Variants in MAML3 observed in about 807,000 individuals in gnomAD.
MAML3 encodes mastermind-like protein 3.
A neutral mutation model predicts 101.9 loss-of-function variants in MAML3; 27 were observed. That is an observed-to-expected ratio of 0.27 (90% CI 0.20 to 0.37). MAML3 has a LOEUF of 0.37. Ranked by LOEUF, MAML3 falls within the 10% of genes least tolerant of loss-of-function variation. The pLI is 1.00. For synonymous variants in MAML3, 501 were observed against 555.9 expected, an observed-to-expected ratio of 0.90 and a Z score of 1.39; for missense variants, 1,316 against 1,444.9, an observed-to-expected ratio of 0.91 and a Z score of 1.45.
At chr4:139,724,344 G>A (rs886582192) in intron 4 of MAML3, among the ~76,000 whole-genome samples, 11 of 152,158 alleles carry the variant, frequency 7.2e-5, no homozygotes, top group African/African-American at 2.7e-4. Flanking sequence ...AGAAAGAAAA[G>A]TTTCTGATAT....
intron 1 of MAML3, among the ~76,000 whole-genome samples, chr4:140,083,267 C>G (rs2110970854): frequency 6.6e-6 from 1 of 152,300 alleles, no homozygotes; most frequent in East Asian, 1.9e-4. Context: ...AACATTTCCC[C>G]TATCTTTCCC....
chr4:139,946,451 T>A (rs539480994), intron 1 of MAML3, among the ~76,000 whole-genome samples: 1 of 152,298 alleles, frequency 6.6e-6, no homozygotes, highest in East Asian at 1.9e-4. Flanking sequence ...TGCAATAATT[T>A]TTTTTTTGTT....
chr4:139,798,032 GAGAGAAAGAA>G (rs1730541901), intron 2 of MAML3, among the ~76,000 whole-genome samples: 2 of 114,164 alleles, frequency 1.8e-5, no homozygotes, highest in East Asian at 5.1e-4. Flanking sequence ...AAAGGAGAGA[GAGAGAAAGAA>G]AGAAAGAAAG....
intron 1 of MAML3, among the ~76,000 whole-genome samples, chr4:140,092,462 C>A (rs958318916): frequency 6.6e-6 from 1 of 152,160 alleles, no homozygotes; most frequent in Non-Finnish European, 1.5e-5. Flanking sequence ...AAGCCCTCCT[C>A]CAATTAATGT....
chr4:140,151,412 G>A (rs1162685419), intron 1 of MAML3, among the ~76,000 whole-genome samples: 1 of 151,954 alleles, frequency 6.6e-6, no homozygotes, highest in East Asian at 1.9e-4. Flanking sequence ...GAGCACTGCG[G>A]CGTCGCCTCC....
chr4:139,974,765 A>G (rs1339028650), intron 1 of MAML3, among the ~76,000 whole-genome samples: 1 of 152,184 alleles, frequency 6.6e-6, no homozygotes, highest in Admixed American at 6.5e-5. Flanking sequence ...TTATTGATAA[A>G]TAATCAATAC....
chr4:139,872,691 T>A (rs745593656), intron 2 of MAML3, among the ~76,000 whole-genome samples: 1 of 152,024 alleles, frequency 6.6e-6, no homozygotes, highest in Non-Finnish European at 1.5e-5. Flanking sequence ...GGGATAGAAA[T>A]GATAAGTGTC....
intron 1 of MAML3, among the ~76,000 whole-genome samples, chr4:139,962,161 T>A (rs1734030002): frequency 6.6e-6 from 1 of 152,066 alleles, no homozygotes; most frequent in Non-Finnish European, 1.5e-5. Context: ...TAGAGGGTTA[T>A]GGCTTATCTA....
intron 2 of MAML3, among the ~76,000 whole-genome samples, chr4:139,771,827 G>A (rs888962997): frequency 6.6e-6 from 1 of 152,002 alleles, no homozygotes; most frequent in Non-Finnish European, 1.5e-5. Context: ...TGGATCTCTG[G>A]GATGGGGCCC....
At chr4:139,952,764 T>G (rs1247131970) in intron 1 of MAML3, among the ~76,000 whole-genome samples, 1 of 152,124 alleles carries the variant, frequency 6.6e-6, no homozygotes, top group Non-Finnish European at 1.5e-5. Context: ...TGGACAGAAA[T>G]GATGTGTGCC....
At chr4:139,906,958 G>C (rs13102187) in intron 1 of MAML3, among the ~76,000 whole-genome samples, 1 of 151,796 alleles carries the variant, frequency 6.6e-6, no homozygotes, top group Non-Finnish European at 1.5e-5. Flanking sequence ...GATTTTTACT[G>C]CATTGAATAT....
At chr4:140,084,145 T>C (rs1330421860) in intron 1 of MAML3, among the ~76,000 whole-genome samples, 1 of 152,196 alleles carries the variant, frequency 6.6e-6, no homozygotes, top group African/African-American at 2.4e-5. Context: ...AATGCATGAA[T>C]GAATGATTAC....
chr4:139,733,092 T>G (rs1257210682), intron 2 of MAML3, among the ~76,000 whole-genome samples: 1 of 152,210 alleles, frequency 6.6e-6, no homozygotes, highest in Non-Finnish European at 1.5e-5. Context: ...TTCCTTCCAG[T>G]GAAATAAAGC....
At chr4:139,729,309 G>A (rs2110984159) in intron 3 of MAML3, among the ~76,000 whole-genome samples, 2 of 152,224 alleles carry the variant, frequency 1.3e-5, no homozygotes, top group South Asian at 4.1e-4. Context: ...ATACACGGTG[G>A]TGGATGCTTA....
At chr4:139,876,139 G>T (rs1447442007) in intron 2 of MAML3, among the ~76,000 whole-genome samples, 1 of 152,038 alleles carries the variant, frequency 6.6e-6, no homozygotes, top group Non-Finnish European at 1.5e-5. Flanking sequence ...GAAAAAAAAA[G>T]TATGTAAAAT....
At chr4:139,724,463 T>C (rs920268773) in intron 4 of MAML3, among the ~76,000 whole-genome samples, 1 of 151,728 alleles carries the variant, frequency 6.6e-6, no homozygotes, top group African/African-American at 2.4e-5. Flanking sequence ...AATGCTACCT[T>C]AGATCAGAAA....
At chr4:140,051,633 T>C (rs1022938100) in intron 1 of MAML3, among the ~76,000 whole-genome samples, 1 of 151,958 alleles carries the variant, frequency 6.6e-6, no homozygotes, top group Non-Finnish European at 1.5e-5. Flanking sequence ...ATCTAACGAA[T>C]CTTCACCAAG....
rs1240982852 is a variant in MAML3, at chr4:140,055,730, A to ATATC, written c.468+97126_468+97129dup. ...CACATCATGAGTTCTTTCATCAAGT[A>ATATC]TATCTACTCAGTACCCACCATGGGC... On this transcript the variant is annotated intron_variant, in intron 1 of 4. Transcript: ENST00000509479. Among the ~76,000 whole-genome samples the ATATC allele has an allele frequency of 6.6e-5, 10 of 152,308 alleles. No individual in the cohort carries two copies. The East Asian group carries it at 1.9e-3, about 29-fold the overall frequency.
chr4:140,134,243 C>T (rs950677427), intron 1 of MAML3: 1 of 456,558 alleles, frequency 2.2e-6, no homozygotes, highest in African/African-American at 2.0e-5. Flanking sequence ...GAAATACTTC[C>T]CCTAACTTTG....
Sources: gnomAD v4.1 joint callset for allele counts (sites outside exome capture counted in the v4.1 genomes callset) on GRCh38, gnomAD v4.1.1 for gene constraint, MANE v1.5 for transcripts, NCBI Gene and HGNC (gene_info 2026-07-23, HGNC 2026-07-21) for gene names.